KCNAB1: variants seen among roughly 807,000 people sequenced by gnomAD.
The protein encoded by KCNAB1 is voltage-gated potassium channel subunit beta-1.
A neutral mutation model predicts 64.6 loss-of-function variants in KCNAB1; 35 were observed. The observed-to-expected ratio is 0.54, with a 90% CI of 0.41 to 0.72. The LOEUF (loss-of-function observed/expected upper bound fraction) is 0.72, where lower values mean the gene tolerates loss of function less well. Ranked by LOEUF, KCNAB1 falls within the 30% of genes least tolerant of loss-of-function variation. KCNAB1 has a pLI of 0.00. For missense variants in KCNAB1, 401 were observed against 512.9 expected, an observed-to-expected ratio of 0.78 and a Z score of 2.11; for synonymous variants, 177 against 183.8, an observed-to-expected ratio of 0.96 and a Z score of 0.30.
At chr3:156,269,913 CTTTT>C (rs34741042) in intron 1 of KCNAB1, among the ~76,000 whole-genome samples, 8 of 114,502 alleles carry the variant, frequency 7.0e-5, no homozygotes, top group Middle Eastern at 4.3e-3. Flanking sequence ...CCGGGGCTTG[CTTTT>C]TTTTTTTTTT....
chr3:156,462,976 T>G (rs1713037391), intron 5 of KCNAB1, among the ~76,000 whole-genome samples: 1 of 152,186 alleles, frequency 6.6e-6, no homozygotes, highest in African/African-American at 2.4e-5. Context: ...TGATGAGATA[T>G]GCACATTTCA....
intron 1 of KCNAB1, among the ~76,000 whole-genome samples, chr3:156,295,190 GT>G (rs1173461689): frequency 6.6e-6 from 1 of 152,108 alleles, no homozygotes; most frequent in African/African-American, 2.4e-5. Context: ...CCATTTTGAA[GT>G]TACCAACTCT....
At chr3:156,304,188 T>C (rs1448995091) in intron 1 of KCNAB1, among the ~76,000 whole-genome samples, 3 of 152,202 alleles carry the variant, frequency 2.0e-5, no homozygotes, top group African/African-American at 7.2e-5. Context: ...TATTTTGAGA[T>C]AGAAATACTT....
chr3:156,457,333 GA>G, intron 3 of KCNAB1, 119 bp from the exon 4 acceptor site: 5 of 1,521,202 alleles, frequency 3.3e-6, no homozygotes, highest in Non-Finnish European at 4.4e-6. Flanking sequence ...CTAAAACTAA[GA>G]AAAATAAGGA....
At chr3:156,209,644 G>A (rs1407176788) in intron 1 of KCNAB1, among the ~76,000 whole-genome samples, 2 of 152,214 alleles carry the variant, frequency 1.3e-5, no homozygotes, top group African/African-American at 4.8e-5. Context: ...GGTCACAGAT[G>A]TGAACAGAAC....
intron 1 of KCNAB1, among the ~76,000 whole-genome samples, chr3:156,345,178 T>C (rs6762484): frequency 0.11 from 17,284 of 152,182 alleles, 3,135 homozygotes; most frequent in African/African-American, 0.38. Context: ...ATAATGTTTG[T>C]TTTGGGGTGA....
chr3:156,324,218 G>T (rs1722837075), intron 1 of KCNAB1, among the ~76,000 whole-genome samples: 1 of 152,058 alleles, frequency 6.6e-6, no homozygotes, highest in South Asian at 2.1e-4. Context: ...TAGCTGAATG[G>T]ATAGACATGT....
chr3:156,386,037 C>T (rs1712562296), intron 1 of KCNAB1, among the ~76,000 whole-genome samples: 1 of 152,128 alleles, frequency 6.6e-6, no homozygotes, highest in East Asian at 1.9e-4. Flanking sequence ...AGCAGTGAAT[C>T]CATACAGGTC....
intron 1 of KCNAB1, among the ~76,000 whole-genome samples, chr3:156,150,449 A>G (rs1308653196): frequency 6.6e-6 from 1 of 152,134 alleles, no homozygotes; most frequent in Non-Finnish European, 1.5e-5. Flanking sequence ...ATGCAGCATG[A>G]CGAAAATACT....
At chr3:156,474,602 T>C (rs1714197940) in intron 7 of KCNAB1, 132 bp from the exon 8 acceptor site, 1 of 611,950 alleles carries the variant, frequency 1.6e-6, no homozygotes, top group Non-Finnish European at 3.0e-6. Flanking sequence ...TTAACAATCA[T>C]TGTATTCAAC....
intron 2 of KCNAB1, 68 bp downstream of exon 2, chr3:156,421,727 G>A: frequency 1.4e-6 from 2 of 1,440,260 alleles, no homozygotes; most frequent in South Asian, 2.4e-5. Context: ...ACCAGGGAGT[G>A]ACTGTGGTCT....
intron 1 of KCNAB1, among the ~76,000 whole-genome samples, chr3:156,297,259 CTTTTTTTTTTTTT>C (rs71141704): frequency 5.2e-5 from 5 of 96,540 alleles, no homozygotes; most frequent in South Asian, 4.0e-4. Flanking sequence ...TTGAGGTTGG[CTTTTTTTTTTTTT>C]TTTTTTTTTT....
chr3:156,121,838 T>C (rs1170750516), intron 1 of KCNAB1, among the ~76,000 whole-genome samples: 2 of 152,222 alleles, frequency 1.3e-5, no homozygotes, highest in Non-Finnish European at 2.9e-5. Flanking sequence ...AAGCATCCAG[T>C]GCACTCTGAG....
chr3:156,309,217 G>A (rs1203683311), intron 1 of KCNAB1, among the ~76,000 whole-genome samples: 1 of 152,198 alleles, frequency 6.6e-6, no homozygotes, highest in Admixed American at 6.5e-5. Context: ...TCATATGGGT[G>A]TTTTGTGTCT....
chr3:156,393,735 A>G (rs1386814987), intron 1 of KCNAB1, among the ~76,000 whole-genome samples: 1 of 152,186 alleles, frequency 6.6e-6, no homozygotes, highest in Non-Finnish European at 1.5e-5. Flanking sequence ...TTCTTCCTCC[A>G]TTCCCTCTTT....
At chr3:156,166,875 G>C (rs900282575) in intron 1 of KCNAB1, among the ~76,000 whole-genome samples, 7 of 152,132 alleles carry the variant, frequency 4.6e-5, no homozygotes, top group Admixed American at 2.6e-4. Context: ...AACGTTCTGC[G>C]AAGGCTTTTT....
chr3:156,171,053 G>A (rs1410098660), intron 1 of KCNAB1, among the ~76,000 whole-genome samples: 2 of 152,112 alleles, frequency 1.3e-5, no homozygotes, highest in Non-Finnish European at 2.9e-5. Flanking sequence ...TTGGCGGTGA[G>A]TGGGCTTTTA....
chr3:156,267,897 T>A (rs900464994), intron 1 of KCNAB1, among the ~76,000 whole-genome samples: 1 of 152,148 alleles, frequency 6.6e-6, no homozygotes, highest in Admixed American at 6.5e-5. Flanking sequence ...AATCCAAGTA[T>A]ACTCTTAATT....
chr3:156,374,910 G>T (rs774893884), intron 1 of KCNAB1, among the ~76,000 whole-genome samples: 1 of 135,964 alleles, frequency 7.4e-6, no homozygotes, highest in South Asian at 2.2e-4. Flanking sequence ...ATAGACGTGA[G>T]TTCTCATTAT....
Sources: gnomAD v4.1 joint callset for allele counts (sites outside exome capture counted in the v4.1 genomes callset) on GRCh38, gnomAD v4.1.1 for gene constraint, MANE v1.5 for transcripts, NCBI Gene and HGNC (gene_info 2026-07-23, HGNC 2026-07-21) for gene names.